Variants in DLGAP1 observed in about 807,000 individuals in gnomAD.
The protein encoded by DLGAP1 is disks large-associated protein 1.
Under a neutral mutation model 90.8 loss-of-function variants are expected in DLGAP1, and 11 were observed. The observed-to-expected ratio is 0.12, with a 90% confidence interval of 0.08 to 0.20. The LOEUF (loss-of-function observed/expected upper bound fraction) is 0.20, where lower values mean the gene tolerates loss of function less well. DLGAP1 is among the 10% of genes least tolerant of loss of function. DLGAP1 has a pLI of 1.00. For missense variants in DLGAP1, 1,050 were observed against 1,333.8 expected (o/e 0.79, Z 3.31); for synonymous variants, 558 against 540.7 (o/e 1.03, Z -0.44).
intron 1 of DLGAP1, among the ~76,000 whole-genome samples, chr18:4,306,268 G>C (rs1463288518): frequency 2.0e-5 from 3 of 152,062 alleles, no homozygotes; most frequent in Non-Finnish European, 4.4e-5. Context: ...AGGAAAGTTG[G>C]CTACAAAGGG....
At chr18:4,219,358 T>A (rs2078029690) in intron 1 of DLGAP1, among the ~76,000 whole-genome samples, 1 of 152,038 alleles carries the variant, frequency 6.6e-6, no homozygotes, top group East Asian at 1.9e-4. Flanking sequence ...TTGTTTGAGT[T>A]CCTTAAATAT....
chr18:3,673,918 C>T (rs1364447616), intron 7 of DLGAP1, among the ~76,000 whole-genome samples: 1 of 151,560 alleles, frequency 6.6e-6, no homozygotes, highest in Non-Finnish European at 1.5e-5. Context: ...TCTCAGCTCA[C>T]TGCGACCTCC....
chr18:3,623,225 A>C (rs28692949), intron 7 of DLGAP1, among the ~76,000 whole-genome samples: 1 of 151,948 alleles, frequency 6.6e-6, no homozygotes, highest in Non-Finnish European at 1.5e-5. Context: ...AGAGTTGTTG[A>C]GAGGATCACA....
At chr18:3,581,514 A>T (rs1043303571) in intron 8 of DLGAP1, among the ~76,000 whole-genome samples, 1 of 151,864 alleles carries the variant, frequency 6.6e-6, no homozygotes, top group Non-Finnish European at 1.5e-5. Context: ...CTTTCCTGAC[A>T]GGTGGGGTTG....
At chr18:3,743,947 G>A (rs1175190417) in intron 5 of DLGAP1, among the ~76,000 whole-genome samples, 2 of 152,188 alleles carry the variant, frequency 1.3e-5, no homozygotes, top group Non-Finnish European at 2.9e-5. Context: ...ACTGTGCCCG[G>A]CCAATGTTAG....
intron 3 of DLGAP1, among the ~76,000 whole-genome samples, chr18:3,931,184 G>A (rs1390261331): frequency 2.0e-5 from 3 of 152,246 alleles, no homozygotes; most frequent in East Asian, 1.9e-4. Flanking sequence ...GCTTCTCGCC[G>A]GCATCTCACT....
chr18:3,624,211 C>T (rs1164223677), intron 7 of DLGAP1, among the ~76,000 whole-genome samples: 14 of 152,216 alleles, frequency 9.2e-5, no homozygotes, highest in Admixed American at 9.2e-4. Context: ...GGCCAGGAGA[C>T]AACGGGCGCC....
At chr18:4,303,352 C>CAT (rs148963766) in intron 1 of DLGAP1, among the ~76,000 whole-genome samples, 3,362 of 152,136 alleles carry the variant, frequency 0.022, 44 homozygotes, top group East Asian at 0.037. Context: ...ATCACAGCTG[C>CAT]ATATAGGCAC....
chr18:3,576,371 G>T (rs778651186), intron 8 of DLGAP1, among the ~76,000 whole-genome samples: 1 of 147,118 alleles, frequency 6.8e-6, no homozygotes, highest in Non-Finnish European at 1.5e-5. Context: ...TCAATTCTCT[G>T]TCTCAGCCTC....
At chr18:3,931,583 T>G in intron 3 of DLGAP1, among the ~76,000 whole-genome samples, 1 of 152,190 alleles carries the variant, frequency 6.6e-6, no homozygotes, top group East Asian at 1.9e-4. Context: ...TCATTAATTA[T>G]GCACAAGGTA....
intron 2 of DLGAP1, among the ~76,000 whole-genome samples, chr18:4,085,829 C>G (rs564369275): frequency 1.3e-5 from 2 of 152,306 alleles, no homozygotes; most frequent in South Asian, 4.1e-4. Context: ...TGTCTCTGAC[C>G]TAACTCCCTC....
intron 3 of DLGAP1, among the ~76,000 whole-genome samples, chr18:3,988,784 G>A (rs1456906645): frequency 1.3e-5 from 2 of 152,148 alleles, no homozygotes; most frequent in African/African-American, 2.4e-5. Flanking sequence ...GGGGGCTGGG[G>A]ACCCCTAGCT....
At chr18:3,819,366 C>T (rs1239359511) in intron 4 of DLGAP1, among the ~76,000 whole-genome samples, 1 of 152,120 alleles carries the variant, frequency 6.6e-6, no homozygotes, top group African/African-American at 2.4e-5. Context: ...AATTCTGACA[C>T]TCCATAGAAT....
At chr18:4,091,878 G>C (rs2075777153) in intron 2 of DLGAP1, among the ~76,000 whole-genome samples, 1 of 133,180 alleles carries the variant, frequency 7.5e-6, no homozygotes, top group Non-Finnish European at 1.6e-5. Flanking sequence ...TGATAATTTT[G>C]CCTCTTGATC....
chr18:3,526,950 C>T lies in DLGAP1; in HGVS notation c.2479+7244G>A, dbSNP rs2051663904. Among the ~76,000 whole-genome samples the T allele has an allele frequency of 6.6e-6, 1 of 151,910 alleles. No individual in the cohort carries two copies. The highest frequency in any genetic ancestry group is 6.6e-5 in the Admixed American group (1 of 15,252). ...CTGTCTTGGCTTGGAGGAAACCTCA[C>T]TCACTGCAGTTTCATTATTTTATTA... On this transcript the variant is annotated intron_variant, in intron 10 of 12. Coordinates refer to ENST00000315677, the MANE Select transcript of DLGAP1 (RefSeq NM_004746.4). This position sits in a 1 kb window ranked among gnomAD's most constrained non-coding sequence, Gnocchi z 4.7.
intron 5 of DLGAP1, among the ~76,000 whole-genome samples, chr18:3,752,498 CCTCCCTCCCTCT>C (rs1227331616): frequency 1.3e-5 from 2 of 149,662 alleles, no homozygotes; most frequent in African/African-American, 4.9e-5. Context: ...TATTTTCTTT[CCTCCCTCCCTCT>C]CTCCCTCCCT....
intron 4 of DLGAP1, chr18:3,845,580 A>G: frequency 1.0e-6 from 1 of 985,474 alleles, no homozygotes; most frequent in Non-Finnish European, 1.2e-6. Flanking sequence ...TGGCATGCTC[A>G]CTGTCCCAGC....
rs747767748 is a variant in DLGAP1, at chr18:3,814,020, C to T, written c.1172+39G>A. 3.8e-6 allele frequency: 6 copies of T among 1,596,776 alleles called. No individual in the cohort carries two copies. The Admixed American group carries it at 1.0e-4, about 27-fold the overall frequency. ...ATCTGAGCCTCGGTGATAATACAAG[C>T]ACCTGGACTATCGCAAGTGCAGGGT... On this transcript the variant is annotated intron_variant, in intron 5 of 12. Coordinates refer to ENST00000315677, the MANE Select transcript of DLGAP1 (RefSeq NM_004746.4).
chr18:3,567,679 G>T, intron 8 of DLGAP1, 98 bp from the exon 9 acceptor site: 1 of 1,066,486 alleles, frequency 9.4e-7, no homozygotes, highest in Non-Finnish European at 1.4e-6. Flanking sequence ...AATATGACTG[G>T]AATGTTTTGT....
Sources: gnomAD v4.1 joint callset for allele counts (sites outside exome capture counted in the v4.1 genomes callset) on GRCh38, gnomAD v4.1.1 for gene constraint, Gnocchi (gnomAD v3.1) non-coding constraint, MANE v1.5 for transcripts, NCBI Gene and HGNC (gene_info 2026-07-23, HGNC 2026-07-21) for gene names.